SLA: variants seen among roughly 807,000 people sequenced by gnomAD.
The protein encoded by SLA is Src like adaptor, also known as src-like-adapter.
A neutral mutation model predicts 30.3 loss-of-function variants in SLA; 16 were observed. The observed-to-expected ratio is 0.53, with a 90% CI of 0.36 to 0.80. SLA has a LOEUF of 0.80. SLA is among the 30% of genes least tolerant of loss of function. The pLI, the probability that SLA is intolerant of heterozygous loss-of-function variation, is 0.01. For synonymous variants in SLA, 143 were observed against 137.8 expected, an observed-to-expected ratio of 1.04 and a Z score of -0.26; for missense variants, 310 against 345.2, an observed-to-expected ratio of 0.90 and a Z score of 0.81.
chr8:133,088,820 G>A (rs1847027911), intron 1 of SLA, among the ~76,000 whole-genome samples: 1 of 152,180 alleles, frequency 6.6e-6, no homozygotes, highest in Non-Finnish European at 1.5e-5. Context: ...CCCTGTGATG[G>A]AAGTTTTGCC....
intron 3 of SLA, 95 bp from the exon 4 acceptor site, chr8:133,051,010 T>A: frequency 9.1e-6 from 6 of 662,928 alleles, no homozygotes; most frequent in Non-Finnish European, 1.6e-5. Context: ...GAAGATGAGA[T>A]TTTCCAGCAG....
At chr8:133,061,039 T>C (rs1206232934) in intron 2 of SLA, among the ~76,000 whole-genome samples, 1 of 152,218 alleles carries the variant, frequency 6.6e-6, no homozygotes, top group Non-Finnish European at 1.5e-5. Flanking sequence ...TGAGACGCAG[T>C]CTCACTCTGT....
intron 3 of SLA, among the ~76,000 whole-genome samples, chr8:133,052,030 C>T (rs1840496499): frequency 6.6e-6 from 1 of 152,148 alleles, no homozygotes; most frequent in South Asian, 2.1e-4. Flanking sequence ...GAACTGTTCC[C>T]TGGTTCGCTC....
intron 3 of SLA, chr8:133,059,288 T>G (rs980835236): frequency 5.4e-6 from 2 of 370,710 alleles, no homozygotes; most frequent in Admixed American, 3.4e-5. Context: ...AACCGTCCCT[T>G]TCCCAAGACC....
intron 1 of SLA, chr8:133,076,098 A>G (rs1844820952): frequency 6.6e-6 from 1 of 152,362 alleles, no homozygotes; most frequent in South Asian, 2.1e-4. Flanking sequence ...TGCTGACCCC[A>G]AGATTGCCTG....
At chr8:133,088,847 A>G (rs542329364) in intron 1 of SLA, among the ~76,000 whole-genome samples, 1 of 152,360 alleles carries the variant, frequency 6.6e-6, no homozygotes, top group South Asian at 2.1e-4. Context: ...GAAGTGTTAC[A>G]AATAAGAGTA....
chr8:133,060,675 G>C (rs1842242782), intron 2 of SLA, among the ~76,000 whole-genome samples: 1 of 152,194 alleles, frequency 6.6e-6, no homozygotes, highest in Non-Finnish European at 1.5e-5. Context: ...TTTTGAGTTT[G>C]TCAGCATGCT....
intron 2 of SLA, chr8:133,072,864 A>T (rs773503008): frequency 2.0e-5 from 3 of 152,214 alleles, no homozygotes; most frequent in Admixed American, 6.5e-5. Context: ...CAGAGGGAGG[A>T]ACAAGCAGAA....
chr8:133,037,552 C>A lies in SLA; in HGVS notation c.*972G>T, dbSNP rs3739268. The A allele has an allele frequency of 6.6e-6, 1 of 151,920 alleles. No individual in the cohort carries two copies. The highest frequency in any genetic ancestry group is 1.5e-5 in the Non-Finnish European group (1 of 67,976). The allele number at this position is 151,920 out of a possible 1,614,324, so 9.4% of individuals were successfully genotyped here. A position where few individuals can be genotyped will look rare whatever the true frequency, so the allele number is the denominator to read the frequency against. On this transcript the variant is annotated 3_prime_UTR_variant, in exon 9 of 9. Transcript: ENST00000338087. ...CTCTAATTCCATCCTAAGCCATGAG[C>A]TGATTTCTCTTTTTACACATTTGTT... is the stretch of plus-strand genomic sequence containing the variant.
rs1033715456 is a variant in SLA at position 133,039,957 on chromosome 8, A to G, written c.617+41T>C. ...ATGTTCACAGAGCACTTGCATGCAC[A>G]CACACACACACACACACACACATAC... is the stretch of plus-strand genomic sequence containing the variant. On this transcript the variant is annotated intron_variant, in intron 8 of 8. Coordinates refer to ENST00000338087, the MANE Select transcript of SLA (RefSeq NM_001045556.3). The G allele has an allele frequency of 8.0e-6, 11 of 1,372,140 alleles. No individual in the cohort carries two copies. In the African/African-American group the frequency reaches 1.6e-4, roughly 19 times the overall value. 85.0% of individuals were successfully genotyped at this position (1,372,140 alleles called of 1,614,324 possible).
chr8:133,039,456 T>A (rs532876770), intron 8 of SLA, among the ~76,000 whole-genome samples: 1 of 152,312 alleles, frequency 6.6e-6, no homozygotes, highest in East Asian at 1.9e-4. Context: ...CAATGGGATG[T>A]CTGGATTGAT....
At chr8:133,053,843 A>T (rs765549933) in intron 3 of SLA, among the ~76,000 whole-genome samples, 34 of 152,204 alleles carry the variant, frequency 2.2e-4, no homozygotes, top group African/African-American at 8.0e-4. Context: ...CGTAATAGTG[A>T]TGTTTTGATA....
rs144962079 is a variant in SLA, at chr8:133,043,438, G to A, written c.484+1546C>T. Among the ~76,000 whole-genome samples the A allele has an allele frequency of 2.9e-3, 443 of 152,228 alleles. 3 individuals are homozygous for A. Among genetic ancestry groups the A allele is most frequent in the African/African-American group, 9.7e-3 (404 of 41,518 alleles). ...GTTTCCAGGACTCCCTTCCTCTTTC[G>A]TTTTTACCTGGCTGCTAAGTTTTCG... On this transcript the variant is annotated intron_variant, in intron 7 of 8. Transcript: ENST00000338087.
At chr8:133,089,424 C>T (rs1197935548) in intron 1 of SLA, among the ~76,000 whole-genome samples, 1 of 152,164 alleles carries the variant, frequency 6.6e-6, no homozygotes, top group African/African-American at 2.4e-5. Flanking sequence ...ACAAAGGACC[C>T]AGTGACAGGA....
At chr8:133,093,833 A>G (rs1847970556) in intron 1 of SLA, among the ~76,000 whole-genome samples, 1 of 152,188 alleles carries the variant, frequency 6.6e-6, no homozygotes, top group South Asian at 2.1e-4. Flanking sequence ...CTGCCTCCTA[A>G]CATAACTGTT....
intron 7 of SLA, 103 bp from the exon 8 acceptor site, chr8:133,040,233 C>T (rs1837961499): frequency 7.8e-6 from 10 of 1,289,090 alleles, no homozygotes; most frequent in Non-Finnish European, 1.1e-5. Context: ...TGGCTGCTGC[C>T]ATGGGGAACT....
At chr8:133,077,194 A>C (rs1468735846) in intron 1 of SLA, among the ~76,000 whole-genome samples, 1 of 152,190 alleles carries the variant, frequency 6.6e-6, no homozygotes, top group Non-Finnish European at 1.5e-5. Context: ...GTTTCACACA[A>C]GCTTTAAAAG....
intron 7 of SLA, among the ~76,000 whole-genome samples, chr8:133,041,456 A>T (rs1472767340): frequency 6.6e-6 from 1 of 152,198 alleles, no homozygotes; most frequent in Non-Finnish European, 1.5e-5. Context: ...GAGAAATGGG[A>T]GGTGAGACCA....
chr8:133,088,256 GCTCCTCCTCCTCCTC>G (rs5895174), intron 1 of SLA, among the ~76,000 whole-genome samples: 1 of 151,464 alleles, frequency 6.6e-6, no homozygotes, highest in East Asian at 1.9e-4. Context: ...CTCCCCTCCT[GCTCCTCCTCCTCCTC>G]CTCCTCCTCT....
Sources: allele counts gnomAD v4.1 joint callset (sites outside exome capture counted in the v4.1 genomes callset), GRCh38; gene constraint gnomAD v4.1.1; transcripts MANE v1.5; gene names NCBI Gene and HGNC (gene_info 2026-07-23, HGNC 2026-07-21).